Variants in FAM174B observed in about 807,000 individuals in gnomAD.
FAM174B encodes the protein membrane protein FAM174B.
Under a neutral mutation model 10.9 loss-of-function variants are expected in FAM174B, and 12 were observed. The ratio of observed to expected loss-of-function variants is 1.10; its 90% CI spans 0.71 to 1.79. The LOEUF (loss-of-function observed/expected upper bound fraction) is 1.79. FAM174B is among the 40% of genes most tolerant of loss of function. The pLI, the probability that FAM174B is intolerant of heterozygous loss-of-function variation, is 0.00. For synonymous variants in FAM174B, 132 were observed against 115.8 expected, an observed-to-expected ratio of 1.14 and a Z score of -0.90; for missense variants, 266 against 233.3, an observed-to-expected ratio of 1.14 and a Z score of -0.91.
At chr15:92,644,698 C>T (rs1198753416) in intron 1 of FAM174B, among the ~76,000 whole-genome samples, 1 of 152,164 alleles carries the variant, frequency 6.6e-6, no homozygotes, top group Non-Finnish European at 1.5e-5. Context: ...CAAAAGAAAC[C>T]AGAGCAGCAG....
chr15:92,631,668 T>C (rs1279139110), intron 1 of FAM174B, among the ~76,000 whole-genome samples: 1 of 148,118 alleles, frequency 6.8e-6, no homozygotes, highest in East Asian at 2.0e-4. Context: ...CTAATTTTTT[T>C]TTTGTATTTT....
intron 2 of FAM174B, among the ~76,000 whole-genome samples, chr15:92,626,358 A>C (rs2050752936): frequency 6.6e-6 from 1 of 152,260 alleles, no homozygotes; most frequent in South Asian, 2.1e-4. Context: ...TCGGCCTCCC[A>C]AAGTGCTGGA....
chr15:92,651,509 T>C (rs2050966534), intron 1 of FAM174B, among the ~76,000 whole-genome samples: 1 of 152,264 alleles, frequency 6.6e-6, no homozygotes, highest in Admixed American at 6.5e-5. Context: ...CATTCGTATA[T>C]ACATGTTTAT....
intron 2 of FAM174B, among the ~76,000 whole-genome samples, chr15:92,622,834 T>G (rs988089641): frequency 6.6e-6 from 1 of 152,170 alleles, no homozygotes; most frequent in Non-Finnish European, 1.5e-5. Context: ...TGTTCCTTCC[T>G]CTGTGAGAGG....
chr15:92,650,168 T>A (rs1414628429), intron 1 of FAM174B, among the ~76,000 whole-genome samples: 2 of 152,214 alleles, frequency 1.3e-5, no homozygotes, highest in African/African-American at 4.8e-5. Context: ...TTAAATAACT[T>A]TTCTTATAAC....
chr15:92,655,608 G>T lies in FAM174B; in HGVS notation c.52C>A (p.Leu18Ile). ...APLLPLLLLA[L>I]LAAPAARASR... is the part of the protein sequence containing the mutation. ...GCGCGGGCGGCGGGAGCGGCCAGGA[G>T]CGCGAGCAGCAGCAGCGGCAGGAGC... is the stretch of plus-strand genomic sequence containing the variant. Residue 18 changes from leucine (L) to isoleucine (I), a missense_variant, in exon 1 of 3, where the codon CTC becomes ATC. By Grantham distance (5) the Leu-to-Ile change is conservative. Coordinates refer to ENST00000327355, the MANE Select transcript of FAM174B (RefSeq NM_207446.3). 7.8e-7 allele frequency: 1 copy of T among 1,276,504 alleles called. No homozygotes were observed. The highest frequency in any genetic ancestry group is 4.1e-5 in the Admixed American group (1 of 24,106). The allele number at this position is 1,276,504 out of a possible 1,614,324, so 79.1% of individuals were successfully genotyped here.
intron 1 of FAM174B, among the ~76,000 whole-genome samples, chr15:92,637,140 A>G (rs886317369): frequency 1.3e-5 from 2 of 151,812 alleles, no homozygotes; most frequent in African/African-American, 4.8e-5. Flanking sequence ...AGGCATTGCT[A>G]CCCCCCAGGC....
At chr15:92,642,482 G>T in intron 1 of FAM174B, among the ~76,000 whole-genome samples, 1 of 152,226 alleles carries the variant, frequency 6.6e-6, no homozygotes, top group East Asian at 1.9e-4. Flanking sequence ...TAATCCCCAT[G>T]TGTTGTGAGA....
intron 1 of FAM174B, among the ~76,000 whole-genome samples, chr15:92,638,988 TCACA>T (rs1567047609): frequency 6.6e-6 from 1 of 152,106 alleles, no homozygotes; most frequent in African/African-American, 2.4e-5. Flanking sequence ...TGTGATCTCA[TCACA>T]GCCTCCCGCC....
intron 1 of FAM174B, among the ~76,000 whole-genome samples, chr15:92,654,906 G>A (rs931857427): frequency 6.6e-6 from 1 of 152,086 alleles, no homozygotes; most frequent in Non-Finnish European, 1.5e-5. Flanking sequence ...CTGGGTTCAA[G>A]TCCTACCTCC....
intron 1 of FAM174B, among the ~76,000 whole-genome samples, chr15:92,633,866 G>A (rs999410534): frequency 2.0e-5 from 3 of 152,036 alleles, no homozygotes; most frequent in Non-Finnish European, 2.9e-5. Context: ...TATAACCCCA[G>A]ACCAATTCCA....
intron 2 of FAM174B, among the ~76,000 whole-genome samples, chr15:92,625,975 AAAG>A (rs1275145859): frequency 7.2e-6 from 1 of 139,760 alleles, no homozygotes; most frequent in African/African-American, 2.4e-5. Flanking sequence ...AAGCAAAGCA[AAAG>A]AAGAGATAAA....
At chr15:92,635,782 T>C (rs1462258085) in intron 1 of FAM174B, among the ~76,000 whole-genome samples, 1 of 152,020 alleles carries the variant, frequency 6.6e-6, no homozygotes, top group Admixed American at 6.6e-5. Flanking sequence ...GTTTTCGCTA[T>C]GTAGGCCAAA....
At chr15:92,654,457 A>G (rs1012823333) in intron 1 of FAM174B, among the ~76,000 whole-genome samples, 1 of 152,240 alleles carries the variant, frequency 6.6e-6, no homozygotes, top group Non-Finnish European at 1.5e-5. Flanking sequence ...ATGTCCTTGC[A>G]TTCCTCTTAG....
At chr15:92,629,721 C>T (rs1309663830) in intron 2 of FAM174B, among the ~76,000 whole-genome samples, 1 of 152,180 alleles carries the variant, frequency 6.6e-6, no homozygotes, top group African/African-American at 2.4e-5. Flanking sequence ...TTGGCTGTGT[C>T]TCCACCCAAA....
chr15:92,647,045 G>A (rs1337144709), intron 1 of FAM174B, among the ~76,000 whole-genome samples: 1 of 152,216 alleles, frequency 6.6e-6, no homozygotes, highest in Non-Finnish European at 1.5e-5. Flanking sequence ...ATTTTACAGA[G>A]CTTGACTCTT....
chr15:92,623,512 C>T (rs2050733311), intron 2 of FAM174B, among the ~76,000 whole-genome samples: 1 of 152,238 alleles, frequency 6.6e-6, no homozygotes, highest in Non-Finnish European at 1.5e-5. Flanking sequence ...CAGGATGACA[C>T]TGGGTTACAA....
chr15:92,652,552 T>C (rs1299692273), intron 1 of FAM174B, among the ~76,000 whole-genome samples: 1 of 151,826 alleles, frequency 6.6e-6, no homozygotes, highest in Non-Finnish European at 1.5e-5. Flanking sequence ...GCAGGGAGAA[T>C]TGGCAGGGAG....
intron 2 of FAM174B, among the ~76,000 whole-genome samples, chr15:92,628,550 G>A (rs1249581565): frequency 2.0e-5 from 3 of 151,892 alleles, no homozygotes; most frequent in African/African-American, 7.3e-5. Context: ...GGCCAACTGT[G>A]CATTATTTTG....
Sources: gnomAD v4.1 joint callset for allele counts (sites outside exome capture counted in the v4.1 genomes callset) on GRCh38, gnomAD v4.1.1 for gene constraint, MANE v1.5 for transcripts, NCBI Gene and HGNC (gene_info 2026-07-23, HGNC 2026-07-21) for gene names.